RAB38: variants seen among roughly 807,000 people sequenced by gnomAD.
RAB38 encodes RAB38, member RAS oncogene family, also known as ras-related protein Rab-38.
Under a neutral mutation model 18.4 loss-of-function variants are expected in RAB38, and 15 were observed. That is an observed-to-expected ratio of 0.82 (90% CI 0.55 to 1.26). RAB38 has a LOEUF of 1.26. RAB38 is among the 50% of genes most tolerant of loss of function. The probability of loss-of-function intolerance (pLI) is 0.00; values close to 1 mark genes in which losing one functional copy is unlikely to be tolerated. For synonymous variants in RAB38, 101 were observed against 104.4 expected (o/e 0.97, Z 0.20); for missense variants, 294 against 267.4 (o/e 1.10, Z -0.69).
At chr11:87,830,731 A>G in the RAB38 span, among the ~76,000 whole-genome samples, 2 of 152,150 alleles carry the variant, frequency 1.3e-5, no homozygotes, top group African/African-American at 2.4e-5. Context: ...TATCAAATAT[A>G]TTAGATATTA....
chr11:87,873,581 T>A, the RAB38 span, among the ~76,000 whole-genome samples: 1 of 151,590 alleles, frequency 6.6e-6, no homozygotes, highest in Non-Finnish European at 1.5e-5. Context: ...GGGAGTTTCA[T>A]AACTTTGCAT....
chr11:88,028,012 G>C, the RAB38 span, among the ~76,000 whole-genome samples: 2 of 152,146 alleles, frequency 1.3e-5, no homozygotes, highest in African/African-American at 4.8e-5. Context: ...ACTCGGCCTG[G>C]TACTCCTCTG....
At chr11:88,124,064 A>C (rs1212753758) in intron 2 of RAB38, among the ~76,000 whole-genome samples, 1 of 152,232 alleles carries the variant, frequency 6.6e-6, no homozygotes, top group Non-Finnish European at 1.5e-5. Flanking sequence ...CATTGTTAGA[A>C]TAATGTTACC....
At chr11:87,915,200 G>T in the RAB38 span, among the ~76,000 whole-genome samples, 17 of 152,136 alleles carry the variant, frequency 1.1e-4, no homozygotes, top group Non-Finnish European at 2.1e-4. Flanking sequence ...GCCTAGCAAA[G>T]CTGTCAGAGG....
chr11:88,050,609 G>A, the RAB38 span, among the ~76,000 whole-genome samples: 4 of 152,202 alleles, frequency 2.6e-5, no homozygotes, highest in Non-Finnish European at 5.9e-5. Context: ...AAAGAATAAG[G>A]TGACAGAATT....
intron 2 of RAB38, among the ~76,000 whole-genome samples, chr11:88,134,796 A>G (rs1269462215): frequency 6.6e-6 from 1 of 152,214 alleles, no homozygotes; most frequent in African/African-American, 2.4e-5. Flanking sequence ...CCTTTAGATC[A>G]AATTATATCA....
chr11:88,125,519 ATT>A (rs1388223236), intron 2 of RAB38, among the ~76,000 whole-genome samples: 1 of 152,108 alleles, frequency 6.6e-6, no homozygotes, highest in Non-Finnish European at 1.5e-5. Flanking sequence ...AATTTTTATT[ATT>A]TGTCTCTATT....
chr11:88,162,608 C>CAA (rs5793305), intron 1 of RAB38, among the ~76,000 whole-genome samples: 224 of 151,180 alleles, frequency 1.5e-3, no homozygotes, highest in Middle Eastern at 0.014. Context: ...ATTCATTTAA[C>CAA]AAAAAAAAAT....
the RAB38 span, among the ~76,000 whole-genome samples, chr11:87,976,309 C>A: frequency 7.3e-6 from 1 of 137,168 alleles, no homozygotes; most frequent in Admixed American, 7.6e-5. Flanking sequence ...CATATATATA[C>A]ACATATACCA....
chr11:88,075,148 G>A, the RAB38 span, among the ~76,000 whole-genome samples: 3 of 152,074 alleles, frequency 2.0e-5, no homozygotes, highest in African/African-American at 7.2e-5. Context: ...ATTCAGACAG[G>A]ACATCAACGA....
the RAB38 span, among the ~76,000 whole-genome samples, chr11:87,901,319 T>C: frequency 2.6e-5 from 4 of 151,548 alleles, no homozygotes; most frequent in Admixed American, 6.6e-5. Flanking sequence ...ATAACAATAA[T>C]GGACTGAATT....
chr11:87,843,188 C>T, the RAB38 span, among the ~76,000 whole-genome samples: 1 of 152,236 alleles, frequency 6.6e-6, no homozygotes, highest in Non-Finnish European at 1.5e-5. Context: ...GTCTACCTCT[C>T]TGAATACCAT....
the RAB38 span, chr11:88,061,641 T>C: frequency 6.6e-6 from 1 of 152,110 alleles, no homozygotes; most frequent in Non-Finnish European, 1.5e-5. Context: ...TTATTGTCTA[T>C]AGGAAGAGAA....
chr11:87,843,836 T>C, the RAB38 span, among the ~76,000 whole-genome samples: 1 of 152,200 alleles, frequency 6.6e-6, no homozygotes, highest in Non-Finnish European at 1.5e-5. Flanking sequence ...AAATCTATTA[T>C]AGGGTTCTGG....
chr11:88,135,733 G>A (rs1942827865), intron 2 of RAB38, among the ~76,000 whole-genome samples: 1 of 152,146 alleles, frequency 6.6e-6, no homozygotes, highest in African/African-American at 2.4e-5. Flanking sequence ...TTTTTAAAGA[G>A]ACTCATCCAG....
At chr11:88,035,842 T>G in the RAB38 span, among the ~76,000 whole-genome samples, 1 of 152,072 alleles carries the variant, frequency 6.6e-6, no homozygotes, top group Non-Finnish European at 1.5e-5. Flanking sequence ...GGTGCTGATC[T>G]ACAACTAACC....
At chr11:88,020,831 T>C in the RAB38 span, among the ~76,000 whole-genome samples, 1,282 of 152,092 alleles carry the variant, frequency 8.4e-3, 18 homozygotes, top group African/African-American at 0.03. Context: ...AATTAAACAA[T>C]ATGCTCCCAA....
At chr11:87,955,867 CAG>C in the RAB38 span, among the ~76,000 whole-genome samples, 54 of 82,224 alleles carry the variant, frequency 6.6e-4, no homozygotes, top group African/African-American at 2.1e-3. Flanking sequence ...GGGTAGCAAA[CAG>C]TATGCACACA....
At chr11:88,025,362 G>C in the RAB38 span, among the ~76,000 whole-genome samples, 2 of 151,992 alleles carry the variant, frequency 1.3e-5, no homozygotes, top group African/African-American at 2.4e-5. Context: ...GTGTCTTTTT[G>C]GTAGAATGAT....
Sources: allele counts gnomAD v4.1 joint callset (sites outside exome capture counted in the v4.1 genomes callset), GRCh38; gene constraint gnomAD v4.1.1; transcripts MANE v1.5; gene names NCBI Gene and HGNC (gene_info 2026-07-23, HGNC 2026-07-21).